BASP1: variants seen among roughly 807,000 people sequenced by gnomAD.
BASP1 encodes brain acid soluble protein 1.
In BASP1, 1 loss-of-function variant was observed where a neutral mutation model predicts 2.2. That is an observed-to-expected ratio of 0.46 (90% CI 0.16 to 2.17). The LOEUF (loss-of-function observed/expected upper bound fraction) is 2.17, where lower values mean the gene tolerates loss of function less well. BASP1 is among the 30% of genes most tolerant of loss of function. The pLI is 0.27. For synonymous variants in BASP1, 187 were observed against 154.2 expected, an observed-to-expected ratio of 1.21 and a Z score of -1.58; for missense variants, 352 against 327.2, an observed-to-expected ratio of 1.08 and a Z score of -0.58.
chr5:17,244,653 A>G (rs944851256), intron 1 of BASP1, among the ~76,000 whole-genome samples: 1 of 149,956 alleles, frequency 6.7e-6, no homozygotes, highest in African/African-American at 2.5e-5. Context: ...CATTGAATAT[A>G]TATTTGTGTT....
At position 17,275,975 on chromosome 5, in the gene BASP1, C is replaced by T. The variant is rs1024261483; in HGVS notation, c.*75C>T. 1 of 1,262,184 alleles carries T rather than the reference C, an allele frequency of 7.9e-7. No homozygotes were observed. Among genetic ancestry groups the T allele is most frequent in the South Asian group, 1.7e-5 (1 of 59,006 alleles). 78.2% of individuals were successfully genotyped at this position (1,262,184 alleles called of 1,614,324 possible). On this transcript the variant is annotated 3_prime_UTR_variant, in exon 2 of 2. Transcript: ENST00000322611. This position sits in a 1 kb window ranked among gnomAD's most constrained non-coding sequence, Gnocchi z 5.3. ...TCTCTCTCTCTCTCTCTCTCTATCT[C>T]TCTCTCTATCTCCTCTCTCTCTCTC...
At chr5:17,250,692 C>T (rs1000403650) in intron 1 of BASP1, among the ~76,000 whole-genome samples, 1 of 152,160 alleles carries the variant, frequency 6.6e-6, no homozygotes, top group Non-Finnish European at 1.5e-5. Context: ...GTAAGCTCCA[C>T]CTCCCGGGTT....
chr5:17,221,867 A>G (rs1042900782), intron 1 of BASP1, among the ~76,000 whole-genome samples: 5 of 152,134 alleles, frequency 3.3e-5, no homozygotes, highest in Non-Finnish European at 5.9e-5. Context: ...GAAATCGTAT[A>G]AAGACTGGAT....
chr5:17,231,631 C>T (rs1017661444), intron 1 of BASP1, among the ~76,000 whole-genome samples: 4 of 152,136 alleles, frequency 2.6e-5, no homozygotes, highest in Non-Finnish European at 5.9e-5. Flanking sequence ...TATTCTTTTC[C>T]CCACTGTTGA....
intron 1 of BASP1, chr5:17,240,855 C>T (rs537651368): frequency 6.6e-6 from 1 of 152,154 alleles, no homozygotes; most frequent in African/African-American, 2.4e-5. Context: ...AGGGTACCTA[C>T]TAAACAAAAA....
Position 17,268,263 on chromosome 5 carries a change from C to T in BASP1, c.-9-6945C>T, listed in dbSNP as rs540589287. 3.8e-3 allele frequency among the ~76,000 whole-genome samples: 584 copies of T among 152,218 alleles called. 4 individuals carry two copies. Among genetic ancestry groups the T allele is most frequent in the African/African-American group, 0.013 (554 of 41,518 alleles). On this transcript the variant is annotated intron_variant, in intron 1 of 1. Transcript: ENST00000322611. ...TAGGTGGCTTGTTTTTGACACAAGT[C>T]AAACAAATAAAATATTTCATAATTT...
At chr5:17,246,658 C>T (rs1739997810) in intron 1 of BASP1, among the ~76,000 whole-genome samples, 3 of 152,192 alleles carry the variant, frequency 2.0e-5, no homozygotes, top group Admixed American at 1.3e-4. Context: ...TGAATAATGT[C>T]AACTCACATC....
intron 1 of BASP1, among the ~76,000 whole-genome samples, chr5:17,269,243 T>C (rs998264579): frequency 6.6e-6 from 1 of 152,208 alleles, no homozygotes; most frequent in Non-Finnish European, 1.5e-5. Context: ...CGTTTATTTA[T>C]TAGGGAACAT....
intron 1 of BASP1, among the ~76,000 whole-genome samples, chr5:17,254,650 T>C (rs983969425): frequency 6.6e-6 from 1 of 152,202 alleles, no homozygotes; most frequent in South Asian, 2.1e-4. Context: ...TCACATTTAT[T>C]TATCAGATTT....
intron 1 of BASP1, among the ~76,000 whole-genome samples, chr5:17,267,107 A>G (rs796242392): frequency 3.9e-5 from 6 of 152,352 alleles, no homozygotes; most frequent in African/African-American, 1.4e-4. Context: ...AGGATAATTT[A>G]AAGTATCTGT....
In BASP1 at chr5:17,221,365, G is replaced by GTT. The variant is rs35430036; in HGVS notation, c.-10+3574_-10+3575dup. 3.6e-3 allele frequency among the ~76,000 whole-genome samples: 436 copies of GTT among 120,988 alleles called. 1 individual carries two copies. The highest frequency in any genetic ancestry group is 6.8e-3 in the Admixed American group (84 of 12,354). 79.4% of individuals were successfully genotyped at this position (120,988 alleles called of 152,430 possible). ...CTTATTTTTGTGATCTCTTGTAAATGTTTTTTTTTTTTTTTTTTTTAAATA... is the reference window on the plus strand; with the variant it reads ...CTTATTTTTGTGATCTCTTGTAAATGTTTTTTTTTTTTTTTTTTTTTTAAATA... On this transcript the variant is annotated intron_variant, in intron 1 of 1. Coordinates refer to ENST00000322611, the MANE Select transcript of BASP1 (RefSeq NM_006317.5).
intron 1 of BASP1, among the ~76,000 whole-genome samples, chr5:17,246,358 C>T (rs1561170775): frequency 1.3e-5 from 2 of 151,450 alleles, no homozygotes; most frequent in South Asian, 2.1e-4. Context: ...AGTGGTGGTG[C>T]GCACCTGTCA....
intron 1 of BASP1, among the ~76,000 whole-genome samples, chr5:17,253,470 C>A (rs1740140183): frequency 6.6e-6 from 1 of 152,174 alleles, no homozygotes; most frequent in Admixed American, 6.5e-5. Flanking sequence ...ACCTTGGCCT[C>A]CCAAAGTGCT....
chr5:17,264,062 C>T (rs1740370907), intron 1 of BASP1, among the ~76,000 whole-genome samples: 3 of 152,158 alleles, frequency 2.0e-5, no homozygotes, highest in South Asian at 2.1e-4. Flanking sequence ...AGAGCACATA[C>T]TGGTTGGAAT....
intron 1 of BASP1, among the ~76,000 whole-genome samples, chr5:17,227,495 A>G (rs2126490355): frequency 6.6e-6 from 1 of 151,832 alleles, no homozygotes; most frequent in South Asian, 2.1e-4. Context: ...TCCGCCTCCC[A>G]GGTTCAAGCA....
Position 17,275,087 on chromosome 5 carries a change from A to G in BASP1, c.-9-121A>G, listed in dbSNP as rs1013926002. ...GTGCCTAACTATAGTTTACCATGCC[A>G]CCCCTTTGGGGTGTGCAGTGCAGCA... On this transcript the variant is annotated intron_variant, in intron 1 of 1. Coordinates refer to ENST00000322611, the MANE Select transcript of BASP1 (RefSeq NM_006317.5). This position sits in a 1 kb window ranked among gnomAD's most constrained non-coding sequence, Gnocchi z 5.3. The G allele has an allele frequency of 5.0e-6, 4 of 800,414 alleles. No individual in the cohort carries two copies. In the African/African-American group the frequency reaches 5.3e-5, roughly 11 times the overall value. 49.6% of individuals were successfully genotyped at this position (800,414 alleles called of 1,614,324 possible).
At chr5:17,264,531 G>A (rs298591) in intron 1 of BASP1, among the ~76,000 whole-genome samples, 125,097 of 152,214 alleles carry the variant, frequency 0.82, 51,646 homozygotes, top group African/African-American at 0.89. Context: ...CACAGTTAAT[G>A]TGCTGCAGCC....
chr5:17,237,740 A>G (rs1249488413), intron 1 of BASP1, among the ~76,000 whole-genome samples: 1 of 151,450 alleles, frequency 6.6e-6, no homozygotes, highest in Non-Finnish European at 1.5e-5. Context: ...CCTCCCGAGT[A>G]GCTGGGACTA....
chr5:17,275,647 A>G lies in BASP1; in HGVS notation c.431A>G (p.Glu144Gly), dbSNP rs561584143. 256 of 1,534,396 alleles carry G rather than the reference A, an allele frequency of 1.7e-4. 4 individuals carry two copies. In the South Asian group the frequency reaches 2.9e-3, roughly 17 times the overall value. ...APAAGEEPSK[E>G]EGEPKKTEAP... ...GCCGCCGGGGAGGAGCCCAGCAAGG[A>G]GGAAGGGGAACCCAAAAAGACTGAG... Residue 144 changes from glutamate to glycine, a missense_variant, in exon 2 of 2, where the codon GAG becomes GGG. By Grantham distance (98) the Glu-to-Gly change is moderately conservative. Transcript: ENST00000322611. The surrounding 1 kb of genome is among the most constrained non-coding windows in gnomAD (Gnocchi z 5.3).
Sources: allele counts gnomAD v4.1 joint callset (sites outside exome capture counted in the v4.1 genomes callset), GRCh38; gene constraint gnomAD v4.1.1; non-coding constraint Gnocchi (gnomAD v3.1); transcripts MANE v1.5; gene names NCBI Gene and HGNC (gene_info 2026-07-23, HGNC 2026-07-21).